The following SPAG16 variants were observed in gnomAD, a reference collection of about 807,000 sequenced individuals.
The protein encoded by SPAG16 is sperm-associated antigen 16 protein.
SPAG16 carries 86 observed loss-of-function variants against 80.4 expected under a neutral mutation model. The observed-to-expected ratio is 1.07, with a 90% CI of 0.90 to 1.28. SPAG16 has a LOEUF of 1.28. Among genes scored for constraint, SPAG16 ranks in the 50% most tolerant of loss-of-function variants. The probability of loss-of-function intolerance (pLI) is 0.00; values close to 1 mark genes in which losing one functional copy is unlikely to be tolerated. For synonymous variants in SPAG16, 294 were observed against 265.9 expected (o/e 1.11, Z -1.03); for missense variants, 870 against 765.3 (o/e 1.14, Z -1.61).
intron 10 of SPAG16, among the ~76,000 whole-genome samples, chr2:213,717,871 A>G (rs185919473): frequency 9.7e-4 from 147 of 152,292 alleles, no homozygotes; most frequent in Non-Finnish European, 1.9e-3. Context: ...GGTTTTAAAC[A>G]TAAGACCCAA....
chr2:213,590,757 TA>T (rs1486819594), intron 10 of SPAG16, among the ~76,000 whole-genome samples: 1 of 152,212 alleles, frequency 6.6e-6, no homozygotes, highest in Admixed American at 6.5e-5. Context: ...CTCAAAGTAC[TA>T]AAATTAGAAT....
At chr2:213,342,784 G>A (rs945634727) in intron 6 of SPAG16, among the ~76,000 whole-genome samples, 5 of 148,972 alleles carry the variant, frequency 3.4e-5, no homozygotes, top group Admixed American at 6.7e-5. Flanking sequence ...ACATGAGGCA[G>A]TTTTTTTTTT....
At chr2:213,951,014 A>G (rs1404017667) in intron 12 of SPAG16, among the ~76,000 whole-genome samples, 5 of 113,236 alleles carry the variant, frequency 4.4e-5, no homozygotes, top group African/African-American at 7.0e-5. Flanking sequence ...GCCTAGCCTG[A>G]CATAGTTTTT....
chr2:214,000,154 T>A (rs1488377878), intron 12 of SPAG16, among the ~76,000 whole-genome samples: 1 of 152,034 alleles, frequency 6.6e-6, no homozygotes, highest in Non-Finnish European at 1.5e-5. Context: ...TGGCTCTGTG[T>A]CCCCACCCAC....
intron 13 of SPAG16, among the ~76,000 whole-genome samples, chr2:214,094,740 A>G (rs1470063170): frequency 2.6e-5 from 4 of 152,102 alleles, no homozygotes; most frequent in African/African-American, 9.7e-5. Context: ...TAGAACAGGA[A>G]TGTATACAGT....
chr2:214,167,948 C>A (rs2056723786), intron 15 of SPAG16, among the ~76,000 whole-genome samples: 1 of 146,800 alleles, frequency 6.8e-6, no homozygotes, highest in African/African-American at 2.5e-5. Context: ...CTTAATTTTT[C>A]TTTTCTTTTT....
At chr2:214,044,147 A>G (rs2049183142) in intron 13 of SPAG16, among the ~76,000 whole-genome samples, 1 of 151,964 alleles carries the variant, frequency 6.6e-6, no homozygotes, top group South Asian at 2.1e-4. Context: ...TTGTTTTCCA[A>G]TTTCTTCCAT....
At chr2:213,520,456 T>G (rs1036610142) in intron 10 of SPAG16, among the ~76,000 whole-genome samples, 11 of 150,100 alleles carry the variant, frequency 7.3e-5, no homozygotes, top group Non-Finnish European at 1.5e-5. Context: ...TCGCTGGGCG[T>G]GGTGGTGGGC....
intron 12 of SPAG16, among the ~76,000 whole-genome samples, chr2:214,006,251 A>G (rs938428614): frequency 6.6e-6 from 1 of 152,202 alleles, no homozygotes; most frequent in African/African-American, 2.4e-5. Context: ...TTTGTATTCA[A>G]TATTAGTAGT....
intron 10 of SPAG16, among the ~76,000 whole-genome samples, chr2:213,825,381 A>T (rs1441937698): frequency 1.3e-5 from 2 of 152,054 alleles, no homozygotes; most frequent in African/African-American, 4.8e-5. Flanking sequence ...TGGCTTTAAT[A>T]TGTTGAGGTA....
rs559480193 is a variant in SPAG16 at position 213,640,232 on chromosome 2, T to C, written c.1070+150142T>C. ...GTAGCTTAATAATTGACCTTCTGAA[T>C]TCTTTTTCTGACAATTCAGATATTT... On this transcript the variant is annotated intron_variant, in intron 10 of 15. Coordinates refer to ENST00000331683, the MANE Select transcript of SPAG16 (RefSeq NM_024532.5). 2.0e-5 allele frequency among the ~76,000 whole-genome samples: 3 copies of C among 152,338 alleles called. No individual in the cohort carries two copies. The South Asian group carries it at 6.2e-4, about 32-fold the overall frequency.
intron 11 of SPAG16, among the ~76,000 whole-genome samples, chr2:213,888,453 T>C (rs4673776): frequency 0.59 from 89,079 of 151,520 alleles, 28,097 homozygotes; most frequent in South Asian, 0.85. Context: ...ACTGAGGTTA[T>C]TCTTTGATGA....
intron 9 of SPAG16, among the ~76,000 whole-genome samples, chr2:213,452,060 C>T (rs1404562822): frequency 6.6e-6 from 1 of 151,916 alleles, no homozygotes; most frequent in Admixed American, 6.6e-5. Context: ...TTTACTGGGG[C>T]CTATTGTTTG....
intron 10 of SPAG16, among the ~76,000 whole-genome samples, chr2:213,775,592 A>T (rs1453417516): frequency 2.0e-5 from 3 of 152,166 alleles, no homozygotes; most frequent in African/African-American, 7.2e-5. Flanking sequence ...CATCTTACAT[A>T]ACTGAAACAC....
chr2:214,216,160 G>C (rs184551926), intron 15 of SPAG16, among the ~76,000 whole-genome samples: 25 of 152,140 alleles, frequency 1.6e-4, no homozygotes, highest in Middle Eastern at 3.4e-3. Context: ...ATATTGATTG[G>C]GATTGAAAAT....
intron 9 of SPAG16, among the ~76,000 whole-genome samples, chr2:213,387,830 T>C (rs952751672): frequency 6.6e-6 from 1 of 152,124 alleles, no homozygotes; most frequent in African/African-American, 2.4e-5. Context: ...TGTAAACATA[T>C]TTATATCCCT....
intron 9 of SPAG16, among the ~76,000 whole-genome samples, chr2:213,482,724 G>C (rs780400036): frequency 6.6e-5 from 10 of 152,102 alleles, no homozygotes; most frequent in Non-Finnish European, 8.8e-5. Flanking sequence ...TGAGAAAAAG[G>C]CTTTGTGAAT....
intron 10 of SPAG16, among the ~76,000 whole-genome samples, chr2:213,860,988 A>G (rs547295002): frequency 6.6e-6 from 1 of 152,292 alleles, no homozygotes; most frequent in East Asian, 1.9e-4. Flanking sequence ...ATTAAGTTCT[A>G]TAAATGTATC....
chr2:213,383,233 A>G (rs2067263699), intron 9 of SPAG16, among the ~76,000 whole-genome samples: 1 of 152,200 alleles, frequency 6.6e-6, no homozygotes, highest in Non-Finnish European at 1.5e-5. Flanking sequence ...ACATTATAAA[A>G]GCATTATGTA....
Sources: allele counts gnomAD v4.1 joint callset (sites outside exome capture counted in the v4.1 genomes callset), GRCh38; gene constraint gnomAD v4.1.1; transcripts MANE v1.5; gene names NCBI Gene and HGNC (gene_info 2026-07-23, HGNC 2026-07-21).